The following ST8SIA1 variants were observed in gnomAD, a reference collection of about 807,000 sequenced individuals.
ST8SIA1 encodes ST8 alpha-N-acetyl-neuraminide alpha-2,8-sialyltransferase 1.
ST8SIA1 carries 16 observed loss-of-function variants against 35.9 expected under a neutral mutation model. The ratio of observed to expected loss-of-function variants is 0.45; its 90% confidence interval spans 0.30 to 0.68. ST8SIA1 has a LOEUF of 0.68. ST8SIA1 is among the 30% of genes least tolerant of loss of function. The pLI, the probability that ST8SIA1 is intolerant of heterozygous loss-of-function variation, is 0.09. For synonymous variants in ST8SIA1, 170 were observed against 169.6 expected (o/e 1.00, Z -0.02); for missense variants, 383 against 453.6 (o/e 0.84, Z 1.41).
At chr12:22,206,347 CA>C (rs1320771365) in intron 4 of ST8SIA1, among the ~76,000 whole-genome samples, 1 of 152,130 alleles carries the variant, frequency 6.6e-6, no homozygotes, top group Non-Finnish European at 1.5e-5. Flanking sequence ...TACCTGGAGG[CA>C]GGAGATACTA....
chr12:22,241,699 A>C (rs1478968548), intron 4 of ST8SIA1, among the ~76,000 whole-genome samples: 1 of 145,310 alleles, frequency 6.9e-6, no homozygotes, highest in Non-Finnish European at 1.5e-5. Context: ...GTGGGAATGG[A>C]CTAATATAGA....
chr12:22,328,955 T>C (rs1368162103), intron 1 of ST8SIA1, among the ~76,000 whole-genome samples: 1 of 152,124 alleles, frequency 6.6e-6, no homozygotes, highest in Non-Finnish European at 1.5e-5. Flanking sequence ...TCTTACCCAC[T>C]ATAATGCACT....
intron 1 of ST8SIA1, among the ~76,000 whole-genome samples, chr12:22,330,252 TG>T (rs1466564415): frequency 1.3e-5 from 2 of 152,234 alleles, no homozygotes; most frequent in South Asian, 4.1e-4. Flanking sequence ...TGTCATGTTC[TG>T]GGAACATCCC....
intron 1 of ST8SIA1, chr12:22,324,935 T>C (rs892987805): frequency 6.6e-6 from 1 of 152,134 alleles, no homozygotes; most frequent in African/African-American, 2.4e-5. Flanking sequence ...TATTTAATTA[T>C]ATGAGAAAAT....
chr12:22,241,038 A>G (rs1865535028), intron 4 of ST8SIA1, among the ~76,000 whole-genome samples: 1 of 143,114 alleles, frequency 7.0e-6, no homozygotes, highest in Non-Finnish European at 1.5e-5. Context: ...GACTGCAATC[A>G]TGGCTAACCT....
At chr12:22,296,169 C>T (rs927203005) in intron 1 of ST8SIA1, among the ~76,000 whole-genome samples, 3 of 152,064 alleles carry the variant, frequency 2.0e-5, no homozygotes, top group South Asian at 2.1e-4. Flanking sequence ...AGGAAACCAG[C>T]GAATCTAGAA....
chr12:22,304,184 A>G (rs61082456), intron 1 of ST8SIA1, among the ~76,000 whole-genome samples: 2,327 of 152,270 alleles, frequency 0.015, 71 homozygotes, highest in African/African-American at 0.053. Context: ...TAAGATTTAA[A>G]AAGATTTTTT....
At chr12:22,279,806 G>A (rs1157015028) in intron 2 of ST8SIA1, among the ~76,000 whole-genome samples, 4 of 152,124 alleles carry the variant, frequency 2.6e-5, no homozygotes, top group African/African-American at 7.2e-5. Flanking sequence ...TCCCCATTGT[G>A]TTGGGCAAGT....
chr12:22,287,096 T>A, intron 2 of ST8SIA1, 53 bp downstream of exon 2: 1 of 1,537,796 alleles, frequency 6.5e-7, no homozygotes, highest in Non-Finnish European at 8.8e-7. Context: ...CCCTTTTCTA[T>A]GACAGCAAGA....
At chr12:22,276,871 C>T (rs940706899) in intron 2 of ST8SIA1, among the ~76,000 whole-genome samples, 3 of 151,476 alleles carry the variant, frequency 2.0e-5, no homozygotes, top group Non-Finnish European at 4.4e-5. Context: ...AAAAGGCCAC[C>T]GTTTCTGGCC....
rs188571799 is a variant in ST8SIA1 at position 22,196,160 on chromosome 12, A to G, written c.*5392T>C. 1.3e-5 allele frequency: 2 copies of G among 152,362 alleles called. No individual in the cohort carries two copies. Among genetic ancestry groups the G allele is most frequent in the East Asian group, 3.9e-4 (2 of 5,188 alleles). The allele number at this position is 152,362 out of a possible 1,614,324, so 9.4% of individuals were successfully genotyped here. ...TTCTGTGCTTTAAAAAGTTAGAGTC[A>G]TAGGCTTTGATTATCTGGCAAATGC... is the stretch of plus-strand genomic sequence containing the variant. On this transcript the variant is annotated 3_prime_UTR_variant, in exon 5 of 5. Coordinates refer to ENST00000396037, the MANE Select transcript of ST8SIA1 (RefSeq NM_003034.4).
chr12:22,271,262 A>G (rs113206844), intron 2 of ST8SIA1, among the ~76,000 whole-genome samples: 1 of 152,320 alleles, frequency 6.6e-6, no homozygotes, highest in African/African-American at 2.4e-5. Context: ...AGCCCACAGG[A>G]AGCACTGGCA....
At chr12:22,232,178 T>C (rs1239291689) in intron 4 of ST8SIA1, among the ~76,000 whole-genome samples, 1 of 152,124 alleles carries the variant, frequency 6.6e-6, no homozygotes, top group Non-Finnish European at 1.5e-5. Flanking sequence ...CCAGGGTATA[T>C]GAAAGTGGTT....
chr12:22,285,886 A>AAAAAAAAACAAAAAAAAAAAC (rs1565586770), intron 2 of ST8SIA1, among the ~76,000 whole-genome samples: 29 of 109,712 alleles, frequency 2.6e-4, no homozygotes, highest in African/African-American at 8.3e-4. Context: ...ACAAAAAAAA[A>AAAAAAAAACAAAAAAAAAAAC]AAAAAAAAAA....
Position 22,199,022 on chromosome 12 carries a change from T to C in ST8SIA1, c.*2530A>G, listed in dbSNP as rs1378665601. 6.6e-6 allele frequency: 1 copy of C among 152,218 alleles called. No homozygotes were observed. Among genetic ancestry groups the C allele is most frequent in the Non-Finnish European group, 1.5e-5 (1 of 68,048 alleles). The allele number at this position is 152,218 out of a possible 1,614,324, so 9.4% of individuals were successfully genotyped here. On this transcript the variant is annotated 3_prime_UTR_variant, in exon 5 of 5. Coordinates refer to ENST00000396037, the MANE Select transcript of ST8SIA1 (RefSeq NM_003034.4). ...TCACCAGCACTGGCCATTTCTGTTT[T>C]GCCTTTCAGAACCCACATGAAATAG...
chr12:22,247,788 G>A (rs1291137162), intron 4 of ST8SIA1, among the ~76,000 whole-genome samples: 2 of 151,844 alleles, frequency 1.3e-5, no homozygotes, highest in Non-Finnish European at 2.9e-5. Flanking sequence ...AAATATATGT[G>A]ACAGGCTAGA....
At chr12:22,214,287 G>A (rs1318739323) in intron 4 of ST8SIA1, among the ~76,000 whole-genome samples, 1 of 152,038 alleles carries the variant, frequency 6.6e-6, no homozygotes, top group East Asian at 1.9e-4. Flanking sequence ...GACAGAAAGT[G>A]GTCTGTGGGG....
At position 22,193,792 on chromosome 12, in the gene ST8SIA1, T is replaced by C. The variant is rs1398537215; in HGVS notation, c.*7760A>G. The C allele has an allele frequency of 6.6e-5, 10 of 152,342 alleles. No homozygotes were observed. Among genetic ancestry groups the C allele is most frequent in the South Asian group, 4.1e-4 (2 of 4,830 alleles). 9.4% of individuals were successfully genotyped at this position (152,342 alleles called of 1,614,324 possible). On this transcript the variant is annotated 3_prime_UTR_variant, in exon 5 of 5. Coordinates refer to ENST00000396037, the MANE Select transcript of ST8SIA1 (RefSeq NM_003034.4). ...CTCTTCAAAGGTGATTTCAATTTTA[T>C]AGTTTAATCTAAAATTTTTCCCAGA... is the stretch of plus-strand genomic sequence containing the variant.
chr12:22,307,986 AC>A, intron 1 of ST8SIA1, among the ~76,000 whole-genome samples: 2 of 152,290 alleles, frequency 1.3e-5, no homozygotes, highest in South Asian at 4.1e-4. Flanking sequence ...ATGAGAGGTC[AC>A]AATATGTTGC....
Sources: allele counts gnomAD v4.1 joint callset (sites outside exome capture counted in the v4.1 genomes callset), GRCh38; gene constraint gnomAD v4.1.1; transcripts MANE v1.5; gene names NCBI Gene and HGNC (gene_info 2026-07-23, HGNC 2026-07-21).